PAFAH1B2: variants seen among roughly 807,000 people sequenced by gnomAD.
The protein encoded by PAFAH1B2 is platelet activating factor acetylhydrolase 1b catalytic subunit 2.
In PAFAH1B2, 8 loss-of-function variants were observed where a neutral mutation model predicts 28.0. That is an observed-to-expected ratio of 0.29 (90% CI 0.17 to 0.52). The LOEUF (loss-of-function observed/expected upper bound fraction) is 0.52. Among genes scored for constraint, PAFAH1B2 ranks in the 20% least tolerant of loss-of-function variants. The pLI is 0.97. For missense variants in PAFAH1B2, 190 were observed against 282.6 expected, an observed-to-expected ratio of 0.67 and a Z score of 2.35; for synonymous variants, 104 against 103.2, an observed-to-expected ratio of 1.01 and a Z score of -0.05.
At chr11:117,160,657 A>G (rs1057439653) in intron 3 of PAFAH1B2, among the ~76,000 whole-genome samples, 8 of 152,046 alleles carry the variant, frequency 5.3e-5, no homozygotes, top group East Asian at 1.9e-4. Context: ...GGGTTTCACT[A>G]TGTTGGCCAG....
In PAFAH1B2 at chr11:117,169,846, G is replaced by A; in HGVS notation, c.*2147G>A. ...CACGTCTTTTTCTGTTTGTCAGAAG[G>A]TGGGAGTATGGTCCAAATAAATCCA... On this transcript the variant is annotated 3_prime_UTR_variant, in exon 6 of 6. Transcript: ENST00000527958. The A allele has an allele frequency of 7.6e-6, 8 of 1,055,422 alleles. No individual in the cohort carries two copies. Among genetic ancestry groups the A allele is most frequent in the Non-Finnish European group, 8.0e-6 (7 of 873,138 alleles). The allele number at this position is 1,055,422 out of a possible 1,614,324, so 65.4% of individuals were successfully genotyped here.
intron 4 of PAFAH1B2, 24 bp from the exon 5 acceptor site, chr11:117,163,746 C>T (rs764069029): frequency 1.9e-6 from 3 of 1,609,174 alleles, no homozygotes; most frequent in Non-Finnish European, 2.5e-6. Context: ...TCTTCTCCTT[C>T]CCCCCTTTTT....
intron 1 of PAFAH1B2, among the ~76,000 whole-genome samples, chr11:117,149,727 C>T (rs1026854649): frequency 3.3e-5 from 5 of 151,896 alleles, no homozygotes; most frequent in African/African-American, 7.2e-5. Flanking sequence ...CCACCGTGCC[C>T]GGCCAAAAGT....
chr11:117,167,302 A>G, intron 5 of PAFAH1B2, 119 bp from the exon 6 acceptor site: 1 of 1,028,716 alleles, frequency 9.7e-7, no homozygotes, highest in Non-Finnish European at 1.4e-6. Flanking sequence ...CCAATGTTTC[A>G]CAACTCAAAG....
At position 117,170,586 on chromosome 11, in the gene PAFAH1B2, T is replaced by A; in HGVS notation, c.*2887T>A. On this transcript the variant is annotated 3_prime_UTR_variant, in exon 6 of 6. Transcript: ENST00000527958. Reference sequence around the variant, plus strand: ...AAACCTTAACCCAACAAAACAAATCTTGAGTAGCTCATGCCCGGCTCTTAG... The same window carrying A: ...AAACCTTAACCCAACAAAACAAATCATGAGTAGCTCATGCCCGGCTCTTAG... 6.6e-6 allele frequency: 7 copies of A among 1,055,260 alleles called. No individual in the cohort carries two copies. The South Asian group carries it at 3.2e-4, about 48-fold the overall frequency. The allele number at this position is 1,055,260 out of a possible 1,614,324, so 65.4% of individuals were successfully genotyped here. A position where few individuals can be genotyped will look rare whatever the true frequency, so the allele number is the denominator to read the frequency against.
intron 2 of PAFAH1B2, among the ~76,000 whole-genome samples, chr11:117,155,597 G>A (rs185149654): frequency 2.2e-4 from 33 of 152,218 alleles, no homozygotes; most frequent in Non-Finnish European, 4.1e-4. Flanking sequence ...TTACAGATTA[G>A]CATATAGCCC....
intron 5 of PAFAH1B2, 95 bp from the exon 6 acceptor site, chr11:117,167,326 C>A: frequency 7.9e-7 from 1 of 1,264,216 alleles, no homozygotes. Flanking sequence ...TAGAAAGTGC[C>A]AAATGGAGAT....
chr11:117,147,193 G>A (rs924325085), intron 1 of PAFAH1B2, among the ~76,000 whole-genome samples: 4 of 152,050 alleles, frequency 2.6e-5, no homozygotes, highest in African/African-American at 7.2e-5. Context: ...GCTTGAACCC[G>A]AGAGGCGGAG....
rs11343000 is a variant in PAFAH1B2, at chr11:117,166,655, TA to T, written c.412-762del. On this transcript the variant is annotated intron_variant, in intron 5 of 5. Transcript: ENST00000527958. ...GAAAAGGGCTACAAGAAGACAAAAT[TA>T]AAACAGTTATTCCAGGGTTATTCCA... Among the ~76,000 whole-genome samples the T allele has an allele frequency of 4.8e-3, 726 of 152,322 alleles. 7 individuals are homozygous for T. Among genetic ancestry groups the T allele is most frequent in the Middle Eastern group, 0.017 (5 of 294 alleles).
downstream of PAFAH1B2, chr11:117,175,161 C>T: frequency 2.6e-6 from 3 of 1,168,108 alleles, no homozygotes; most frequent in Non-Finnish European, 3.2e-6. Flanking sequence ...GCTTGAGGGC[C>T]ACGGTTAGGG....
Position 117,169,506 on chromosome 11 carries a change from T to TG in PAFAH1B2, c.*1808dup, listed in dbSNP as rs1246413663. ...TGTATGTTGGAGGAGGGCTTACTGA[T>TG]GCGTGCTAAGACCGATTTCTGATTG... On this transcript the variant is annotated 3_prime_UTR_variant, in exon 6 of 6. Transcript: ENST00000527958. The TG allele has an allele frequency of 2.5e-5, 26 of 1,055,056 alleles. No homozygotes were observed. Among genetic ancestry groups the TG allele is most frequent in the Non-Finnish European group, 2.6e-5 (23 of 872,882 alleles). 65.4% of individuals were successfully genotyped at this position (1,055,056 alleles called of 1,614,324 possible).
downstream of PAFAH1B2, among the ~76,000 whole-genome samples, chr11:117,172,404 A>T (rs1290061016): frequency 0.33 from 2,688 of 8,160 alleles, 140 homozygotes; most frequent in South Asian, 0.42. Flanking sequence ...ATATATATAT[A>T]TTTTTTTTTT....
intron 4 of PAFAH1B2, 89 bp from the exon 5 acceptor site, chr11:117,163,681 A>T: frequency 7.1e-7 from 1 of 1,401,178 alleles, no homozygotes; most frequent in Non-Finnish European, 9.8e-7. Flanking sequence ...TCAAAAAAAA[A>T]AAAAAAAAAG....
At chr11:117,164,650 T>C (rs549334071) in intron 5 of PAFAH1B2, among the ~76,000 whole-genome samples, 112 of 152,342 alleles carry the variant, frequency 7.4e-4, no homozygotes, top group Non-Finnish European at 1.5e-3. Flanking sequence ...TTTATAGTTG[T>C]ACCCTGAACA....
Position 117,170,136 on chromosome 11 carries a change from A to G in PAFAH1B2, c.*2437A>G, listed in dbSNP as rs1027858811. The G allele has an allele frequency of 1.0e-4, 110 of 1,052,816 alleles. No homozygotes were observed. Among genetic ancestry groups the G allele is most frequent in the Non-Finnish European group, 1.1e-4 (99 of 870,982 alleles). The allele number at this position is 1,052,816 out of a possible 1,614,324, so 65.2% of individuals were successfully genotyped here. A position where few individuals can be genotyped will look rare whatever the true frequency, so the allele number is the denominator to read the frequency against. ...TGCACTACTTTAGGTAAAAATAGTT[A>G]ATCTATTTTTCTTTGACATCCTAGT... On this transcript the variant is annotated 3_prime_UTR_variant, in exon 6 of 6. Coordinates refer to ENST00000527958, the MANE Select transcript of PAFAH1B2 (RefSeq NM_002572.4).
downstream of PAFAH1B2, among the ~76,000 whole-genome samples, chr11:117,173,400 A>G (rs1053610346): frequency 1.2e-4 from 19 of 152,244 alleles, no homozygotes; most frequent in African/African-American, 4.1e-4. Flanking sequence ...GTGAGTACTT[A>G]GGACAGTAGA....
intron 4 of PAFAH1B2, among the ~76,000 whole-genome samples, chr11:117,162,026 A>AT (rs1030359537): frequency 3.9e-5 from 6 of 152,278 alleles, no homozygotes; most frequent in Admixed American, 3.9e-4. Context: ...ACAAATGAAC[A>AT]TTTCTACCCA....
rs976776321 is a variant in PAFAH1B2, at chr11:117,170,910, T to C, written c.*3211T>C. 2.8e-6 allele frequency: 3 copies of C among 1,059,868 alleles called. No homozygotes were observed. Among genetic ancestry groups the C allele is most frequent in the Non-Finnish European group, 3.4e-6 (3 of 875,828 alleles). 65.7% of individuals were successfully genotyped at this position (1,059,868 alleles called of 1,614,324 possible). A position where few individuals can be genotyped will look rare whatever the true frequency, so the allele number is the denominator to read the frequency against. ...CCCCCAGGTTTCTTGGTGTTCCTGC[T>C]TGGGGATCACTGCTGCTAGCTGACT... On this transcript the variant is annotated 3_prime_UTR_variant, in exon 6 of 6. Transcript: ENST00000527958.
chr11:117,150,231 TC>T (rs1260306935), intron 1 of PAFAH1B2, among the ~76,000 whole-genome samples: 1 of 152,208 alleles, frequency 6.6e-6, no homozygotes, highest in Non-Finnish European at 1.5e-5. Flanking sequence ...TGCTGCAACT[TC>T]CGCCTGCCAG....
Sources: gnomAD v4.1 joint callset for allele counts (sites outside exome capture counted in the v4.1 genomes callset) on GRCh38, gnomAD v4.1.1 for gene constraint, MANE v1.5 for transcripts, NCBI Gene and HGNC (gene_info 2026-07-23, HGNC 2026-07-21) for gene names.